STAU1: variants seen among roughly 807,000 people sequenced by gnomAD.
The protein encoded by STAU1 is double-stranded RNA-binding protein Staufen homolog 1.
Under a neutral mutation model 62.9 loss-of-function variants are expected in STAU1, and 13 were observed. That is an observed-to-expected ratio of 0.21 (90% CI 0.13 to 0.33). The LOEUF (loss-of-function observed/expected upper bound fraction) is 0.33, where lower values mean the gene tolerates loss of function less well. Among genes scored for constraint, STAU1 ranks in the 10% least tolerant of loss-of-function variants. The pLI is 1.00. For synonymous variants in STAU1, 269 were observed against 265.1 expected (o/e 1.01, Z -0.14); for missense variants, 571 against 712.1 (o/e 0.80, Z 2.25).
chr20:49,120,119 C>G lies in STAU1; in HGVS notation c.976G>C (p.Gly326Arg). The G allele has an allele frequency of 6.2e-7, 1 of 1,613,208 alleles. No individual in the cohort carries two copies. Among genetic ancestry groups the G allele is most frequent in the South Asian group, 1.1e-5 (1 of 91,036 alleles). ...RREFVMQVKV[G>R]NHTAEGTGTN... The stretch of plus-strand genomic sequence containing the variant: ...CCCGTTCCTTCTGCAGTGTGGTTTC[C>G]AACCTTCACCTGCACAAAGAAGTCA... The change falls in exon 9 of 14, where the codon GGA (glycine) becomes CGA (arginine). Residue 326 changes from glycine (G) to arginine (R), a missense_variant. Transcript: ENST00000371856.
chr20:49,162,149 A>C (rs1355111883), intron 3 of STAU1, among the ~76,000 whole-genome samples: 1 of 152,182 alleles, frequency 6.6e-6, no homozygotes, highest in Non-Finnish European at 1.5e-5. Flanking sequence ...GGCATCCTCT[A>C]GTCTTTTCTC....
the STAU1 span, among the ~76,000 whole-genome samples, chr20:49,199,226 C>T: frequency 9.9e-5 from 15 of 151,840 alleles, no homozygotes; most frequent in South Asian, 8.3e-4. Flanking sequence ...CATACCATCA[C>T]GCCTGGCTGA....
chr20:49,200,802 A>G, the STAU1 span, among the ~76,000 whole-genome samples: 1 of 151,872 alleles, frequency 6.6e-6, no homozygotes, highest in Admixed American at 6.6e-5. Context: ...TGGGAAGCCC[A>G]GGAGGGAGGA....
At chr20:49,204,642 ATATATTTTTTTTTTTT>A in the STAU1 span, among the ~76,000 whole-genome samples, 29 of 50,566 alleles carry the variant, frequency 5.7e-4, no homozygotes, top group South Asian at 2.9e-3. Context: ...ATATATATAT[ATATATTTTTTTTTTTT>A]TTTTTTTTTT....
intron 3 of STAU1, among the ~76,000 whole-genome samples, chr20:49,164,583 C>T (rs2093498054): frequency 6.6e-6 from 1 of 152,050 alleles, no homozygotes; most frequent in Non-Finnish European, 1.5e-5. Context: ...AACCACCACG[C>T]CTGGCCATGA....
At chr20:49,151,000 G>A (rs974726296) in intron 5 of STAU1, among the ~76,000 whole-genome samples, 1 of 152,078 alleles carries the variant, frequency 6.6e-6, no homozygotes, top group Non-Finnish European at 1.5e-5. Flanking sequence ...CTCCGGCCCC[G>A]TGCAGATCCA....
chr20:49,133,084 A>G (rs1307985113), intron 6 of STAU1, among the ~76,000 whole-genome samples: 2 of 152,232 alleles, frequency 1.3e-5, no homozygotes, highest in African/African-American at 4.8e-5. Flanking sequence ...AAATTACTTT[A>G]AAAGATCACC....
At chr20:49,159,764 G>T (rs2093420808) in intron 3 of STAU1, among the ~76,000 whole-genome samples, 1 of 152,130 alleles carries the variant, frequency 6.6e-6, no homozygotes. Flanking sequence ...GTTTCACCAT[G>T]TTGGCCAGTC....
chr20:49,195,903 A>AAAAAAAAAAAAAAAAAAAG, the STAU1 span, among the ~76,000 whole-genome samples: 2 of 94,396 alleles, frequency 2.1e-5, no homozygotes, highest in Non-Finnish European at 4.6e-5. Context: ...CCTCTCAAAA[A>AAAAAAAAAAAAAAAAAAAG]AAAAAAAAAA....
the STAU1 span, among the ~76,000 whole-genome samples, chr20:49,212,989 C>CT: frequency 6.7e-6 from 1 of 149,578 alleles, no homozygotes; most frequent in Non-Finnish European, 1.5e-5. Flanking sequence ...ATTTCTCAAA[C>CT]TTTTTTATTT....
chr20:49,212,879 T>C, the STAU1 span, among the ~76,000 whole-genome samples: 1 of 152,140 alleles, frequency 6.6e-6, no homozygotes, highest in African/African-American at 2.4e-5. Flanking sequence ...ATTAAAGGCT[T>C]GAGCCATCGT....
rs200651157 is a variant in STAU1, at chr20:49,180,285, A to AT, written c.-159-6017dup. ...GAATGTTAGAATTCAGAAGAAATGAATTTTTTTTTTTAGCAACAACCTGGA... is the reference window on the plus strand; with the variant it reads ...GAATGTTAGAATTCAGAAGAAATGAATTTTTTTTTTTTAGCAACAACCTGGA... On this transcript the variant is annotated intron_variant, in intron 1 of 13. Coordinates refer to ENST00000371856, the MANE Select transcript of STAU1 (RefSeq NM_017453.4). Among the ~76,000 whole-genome samples the AT allele has an allele frequency of 6.4e-4, 95 of 147,372 alleles. 1 individual carries two copies. Among genetic ancestry groups the AT allele is most frequent in the Middle Eastern group, 3.5e-3 (1 of 288 alleles).
At chr20:49,158,217 G>A (rs746429858) in intron 3 of STAU1, among the ~76,000 whole-genome samples, 6 of 152,058 alleles carry the variant, frequency 3.9e-5, no homozygotes, top group Non-Finnish European at 1.5e-5. Context: ...GGGAGGTTGC[G>A]GTTGCAGTGA....
Position 49,113,723 on chromosome 20 carries a change from C to A in STAU1, c.*1155G>T, listed in dbSNP as rs1300346406. 6.6e-6 allele frequency: 1 copy of A among 152,590 alleles called. No homozygotes were observed. Among genetic ancestry groups the A allele is most frequent in the Admixed American group, 6.6e-5 (1 of 15,264 alleles). The allele number at this position is 152,590 out of a possible 1,614,324, so 9.5% of individuals were successfully genotyped here. On this transcript the variant is annotated 3_prime_UTR_variant, in exon 14 of 14. Coordinates refer to ENST00000371856, the MANE Select transcript of STAU1 (RefSeq NM_017453.4). ...ACATCAAAAGCAACACAGCTGTATA[C>A]AGAAACGTAGGTCATTCTTTTCAGC...
intron 9 of STAU1, 56 bp downstream of exon 9, chr20:49,119,926 G>A (rs1243979868): frequency 6.3e-7 from 1 of 1,577,694 alleles, no homozygotes; most frequent in South Asian, 1.2e-5. Context: ...AGGTGCCCCA[G>A]TTCCCTAGGG....
chr20:49,209,362 T>A, the STAU1 span, among the ~76,000 whole-genome samples: 1 of 150,552 alleles, frequency 6.6e-6, no homozygotes, highest in Non-Finnish European at 1.5e-5. Flanking sequence ...TTGTTTTCTG[T>A]CTATACCCTA....
chr20:49,148,275 T>C (rs1026841530), intron 5 of STAU1, among the ~76,000 whole-genome samples: 6 of 152,164 alleles, frequency 3.9e-5, no homozygotes, highest in African/African-American at 1.4e-4. Context: ...CATGACCTCA[T>C]GCAACGTGTC....
At chr20:49,120,635 G>A (rs907129561) in intron 8 of STAU1, among the ~76,000 whole-genome samples, 1 of 152,126 alleles carries the variant, frequency 6.6e-6, no homozygotes, top group Non-Finnish European at 1.5e-5. Context: ...AATAAAGCAG[G>A]TTAATCTTAA....
At chr20:49,149,921 GC>G (rs1247898299) in intron 5 of STAU1, among the ~76,000 whole-genome samples, 1 of 152,206 alleles carries the variant, frequency 6.6e-6, no homozygotes, top group Non-Finnish European at 1.5e-5. Context: ...TCATCACATA[GC>G]CCACTGTTCT....
Sources: allele counts gnomAD v4.1 joint callset (sites outside exome capture counted in the v4.1 genomes callset), GRCh38; gene constraint gnomAD v4.1.1; transcripts MANE v1.5; gene names NCBI Gene and HGNC (gene_info 2026-07-23, HGNC 2026-07-21).